Variants in ZNF738 observed in about 807,000 individuals in gnomAD.
The protein encoded by ZNF738 is zinc finger protein 738, also known as protein ZNF738.
Under a neutral mutation model 9.2 loss-of-function variants are expected in ZNF738, and 10 were observed. The observed-to-expected ratio is 1.09, with a 90% CI of 0.67 to 1.85. The LOEUF (loss-of-function observed/expected upper bound fraction) is 1.85, where lower values mean the gene tolerates loss of function less well. ZNF738 is among the 40% of genes most tolerant of loss of function. ZNF738 has a pLI of 0.00. For synonymous variants in ZNF738, 113 were observed against 94.5 expected (o/e 1.20, Z -1.14); for missense variants, 346 against 283.6 (o/e 1.22, Z -1.58).
intron 4 of ZNF738, chr19:21,378,079 G>C: frequency 2.5e-6 from 1 of 397,362 alleles, no homozygotes. Context: ...TTTCAGTCTA[G>C]TTAAAAATGA....
At chr19:21,362,582 C>T (rs1973715313) in intron 2 of ZNF738, among the ~76,000 whole-genome samples, 1 of 152,136 alleles carries the variant, frequency 6.6e-6, no homozygotes, top group South Asian at 2.1e-4. Flanking sequence ...CTGGATTTGT[C>T]ACCTTGAAGA....
At chr19:21,381,928 C>T (rs1599720347) in intron 4 of ZNF738, 1 of 236,884 alleles carries the variant, frequency 4.2e-6, no homozygotes. Flanking sequence ...ACATCTTCAC[C>T]ATCCCAATGC....
chr19:21,361,849 T>C lies in ZNF738; in HGVS notation c.87T>C (p.Tyr29=), dbSNP rs1212082461. 3.8e-6 allele frequency: 3 copies of C among 779,940 alleles called. No individual in the cohort carries two copies. The highest frequency in any genetic ancestry group is 2.7e-5 in the South Asian group (2 of 74,538). 48.3% of individuals were successfully genotyped at this position (779,940 alleles called of 1,614,324 possible). ...GAERNLLEYS[Y]FEKGPLTFRD... ...AGAGGAATCTTCTGGAGTACTCTTA[T>C]TTTGAAAAGGTAACCCCTTGATATG... The change falls in exon 2 of 5, where the codon TAT becomes TAC. Residue 29 remains tyrosine, a synonymous_variant. Coordinates refer to ENST00000683779, the MANE Select transcript of ZNF738 (RefSeq NM_001355237.2).
rs977297175 is a variant in ZNF738 at position 21,359,287 on chromosome 19, C to T, written c.3+144C>T. 3 of 762,442 alleles carry T rather than the reference C, an allele frequency of 3.9e-6. No individual in the cohort carries two copies. In the Admixed American group the frequency reaches 5.6e-5, roughly 14 times the overall value. The allele number at this position is 762,442 out of a possible 1,614,324, so 47.2% of individuals were successfully genotyped here. The stretch of plus-strand genomic sequence containing the variant: ...TCTCCTTGCCCAGCTCGGCCTCAGT[C>T]GCCTTCAGCCATAAGATGGCGGTTG... On this transcript the variant is annotated intron_variant, in intron 1 of 4. Coordinates refer to ENST00000683779, the MANE Select transcript of ZNF738 (RefSeq NM_001355237.2).
chr19:21,371,365 G>A (rs1973855122), intron 2 of ZNF738, among the ~76,000 whole-genome samples: 1 of 152,198 alleles, frequency 6.6e-6, no homozygotes, highest in South Asian at 2.1e-4. Flanking sequence ...GTAGAATTAT[G>A]TCAGGCTAAC....
chr19:21,359,067 C>T lies in ZNF738; in HGVS notation c.-74C>T. 2.2e-6 allele frequency: 2 copies of T among 905,630 alleles called. No individual in the cohort carries two copies. Among genetic ancestry groups the T allele is most frequent in the Non-Finnish European group, 3.7e-6 (2 of 537,488 alleles). The allele number at this position is 905,630 out of a possible 1,614,324, so 56.1% of individuals were successfully genotyped here. ...TCTGTGTCCTCTGCTCCTAGAGGCC[C>T]AGCCTCTGGTCCTGTGACCTGCAGG... On this transcript the variant is annotated 5_prime_UTR_variant, in exon 1 of 5. Transcript: ENST00000683779.
chr19:21,382,894 T>A lies in ZNF738; in HGVS notation c.348T>A (p.Leu116=), dbSNP rs922158189. ...CATATTCTCATTTTGCCCAGGACCTTTGGCCACAGCCGGGCATAAAAGATT... is the reference window on the plus strand; with the variant it reads ...CATATTCTCATTTTGCCCAGGACCTATGGCCACAGCCGGGCATAAAAGATT... ...PVTYSHFAQD[L]WPQPGIKDSF... The change falls in exon 5 of 5, where the codon CTT becomes CTA. Residue 116 remains leucine, a synonymous_variant. Transcript: ENST00000683779. 9.8e-6 allele frequency: 5 copies of A among 511,444 alleles called. No individual in the cohort carries two copies. Among genetic ancestry groups the A allele is most frequent in the Non-Finnish European group, 1.5e-5 (4 of 267,756 alleles). 31.7% of individuals were successfully genotyped at this position (511,444 alleles called of 1,614,324 possible). A position where few individuals can be genotyped will look rare whatever the true frequency, so the allele number is the denominator to read the frequency against.
chr19:21,377,511 T>TAC, intron 4 of ZNF738: 4 of 627,116 alleles, frequency 6.4e-6, no homozygotes, highest in African/African-American at 1.9e-5. Context: ...CACACAGACG[T>TAC]GCACACACAC....
intron 2 of ZNF738, among the ~76,000 whole-genome samples, chr19:21,362,637 A>C (rs28816529): frequency 0.013 from 1,971 of 152,318 alleles, 51 homozygotes; most frequent in African/African-American, 0.042. Context: ...GTAAGGTTAC[A>C]TTATATTAGT....
At position 21,383,490 on chromosome 19, in the gene ZNF738, C is replaced by A. The variant is rs1004750440; in HGVS notation, c.944C>A (p.Pro315His). ...AAGACAATTCATGCTGGAGAGAAAC[C>A]CTACAAATGTGAAGGATGTGGCAAA... is the stretch of plus-strand genomic sequence containing the variant. ...KHKTIHAGEK[P>H]YKCEGCGKAF... is the part of the protein sequence containing the mutation. Residue 315 changes from proline to histidine, a missense_variant, in exon 5 of 5, where the codon CCC becomes CAC. Physicochemically the swap from Pro to His is moderately conservative, Grantham distance 77. Coordinates refer to ENST00000683779, the MANE Select transcript of ZNF738 (RefSeq NM_001355237.2). 2 of 820,482 alleles carry A rather than the reference C, an allele frequency of 2.4e-6. No individual in the cohort carries two copies. The highest frequency in any genetic ancestry group is 4.2e-6 in the Non-Finnish European group (2 of 477,276). 50.8% of individuals were successfully genotyped at this position (820,482 alleles called of 1,614,324 possible).
At chr19:21,370,323 A>T (rs1973840730) in intron 2 of ZNF738, among the ~76,000 whole-genome samples, 1 of 152,196 alleles carries the variant, frequency 6.6e-6, no homozygotes, top group Non-Finnish European at 1.5e-5. Context: ...ATGTTCATTA[A>T]AAATATTGGC....
intron 2 of ZNF738, among the ~76,000 whole-genome samples, chr19:21,364,103 A>G (rs1973740838): frequency 6.7e-6 from 1 of 149,366 alleles, no homozygotes; most frequent in African/African-American, 2.5e-5. Context: ...AGCCTGAGAC[A>G]GGAGAAATGT....
At chr19:21,378,109 A>T (rs548806306) in intron 4 of ZNF738, 1 of 396,376 alleles carries the variant, frequency 2.5e-6, no homozygotes, top group African/African-American at 2.1e-5. Context: ...GCATGCAAAA[A>T]TTTTTTCTCA....
chr19:21,359,467 A>G (rs551234042), intron 1 of ZNF738, among the ~76,000 whole-genome samples: 1 of 152,216 alleles, frequency 6.6e-6, no homozygotes, highest in South Asian at 2.1e-4. Context: ...GAGAATCCTG[A>G]CTTGGGGTGC....
At chr19:21,365,427 T>G (rs1473225056) in intron 2 of ZNF738, among the ~76,000 whole-genome samples, 3 of 152,052 alleles carry the variant, frequency 2.0e-5, no homozygotes, top group Non-Finnish European at 2.9e-5. Context: ...TGACATTTCC[T>G]CCCTCTTTTG....
At chr19:21,363,437 G>A (rs1262084380) in intron 2 of ZNF738, among the ~76,000 whole-genome samples, 1 of 152,146 alleles carries the variant, frequency 6.6e-6, no homozygotes, top group Admixed American at 6.5e-5. Context: ...CATGGAAGAA[G>A]CCTTTCTGAT....
At position 21,375,905 on chromosome 19, in the gene ZNF738, T is replaced by C; in HGVS notation, c.260T>C (p.Leu87Pro). The part of the protein sequence containing the change: ...DVSKPDLITC[L>P]EQGKDPWNMK... ...TCTAAGCCAGATCTGATCACCTGTC[T>C]GGAGCAAGGAAAAGATCCCTGGAAT... Residue 87 changes from leucine to proline, a missense_variant, in exon 4 of 5, where the codon CTG becomes CCG. By Grantham distance (98) the Leu-to-Pro change is moderately conservative. Transcript: ENST00000683779. 1 of 797,444 alleles carries C rather than the reference T, an allele frequency of 1.3e-6. No homozygotes were observed. The highest frequency in any genetic ancestry group is 2.3e-6 in the Non-Finnish European group (1 of 435,554). The allele number at this position is 797,444 out of a possible 1,614,324, so 49.4% of individuals were successfully genotyped here.
intron 2 of ZNF738, among the ~76,000 whole-genome samples, chr19:21,368,524 T>G (rs2358992): frequency 0.6 from 91,498 of 151,880 alleles, 28,381 homozygotes; most frequent in African/African-American, 0.76. Context: ...GCAATGGTGC[T>G]ATCTCGGCTC....
At chr19:21,371,979 TG>T (rs1973863195) in intron 2 of ZNF738, 1 of 152,824 alleles carries the variant, frequency 6.5e-6, no homozygotes, top group East Asian at 1.9e-4. Flanking sequence ...GTTTCGCTCT[TG>T]TTGCCCAGGC....
Sources: allele counts gnomAD v4.1 joint callset (sites outside exome capture counted in the v4.1 genomes callset), GRCh38; gene constraint gnomAD v4.1.1; transcripts MANE v1.5; gene names NCBI Gene and HGNC (gene_info 2026-07-23, HGNC 2026-07-21).